The following OGG1 variants were observed in gnomAD, a reference collection of about 807,000 sequenced individuals.
OGG1 encodes the protein N-glycosylase/DNA lyase.
A neutral mutation model predicts 42.3 loss-of-function variants in OGG1; 35 were observed. The observed-to-expected ratio is 0.83, with a 90% CI of 0.63 to 1.10. The LOEUF (loss-of-function observed/expected upper bound fraction) is 1.10. Ranked by LOEUF, OGG1 falls within the 50% of genes least tolerant of loss-of-function variation. The pLI is 0.00. For synonymous variants in OGG1, 189 were observed against 179.0 expected, an observed-to-expected ratio of 1.06 and a Z score of -0.44; for missense variants, 484 against 446.7, an observed-to-expected ratio of 1.08 and a Z score of -0.75.
In OGG1 at chr3:9,763,175, T is replaced by C. The variant is rs138483154; in HGVS notation, c.1049-2634T>C. ...GAGGTAGAGGTGGCCCCCACTCTCA[T>C]AGATGTCATCCAGGGCTACAATGTT... On this transcript the variant is annotated intron_variant, in intron 7 of 7. Transcript: ENST00000302008. 3.7e-4 allele frequency: 601 copies of C among 1,613,998 alleles called. No individual in the cohort carries two copies. Among genetic ancestry groups the C allele is most frequent in the Middle Eastern group, 8.2e-4 (5 of 6,062 alleles).
intron 3 of OGG1, chr3:9,785,394 G>T (rs775425054): frequency 8.7e-6 from 14 of 1,613,882 alleles, no homozygotes; most frequent in Non-Finnish European, 1.2e-5. Context: ...GTCAGGAATA[G>T]GAGAATCCTC....
rs1320554098 is a variant in OGG1, at chr3:9,751,832, A to G, written c.448A>G (p.Asn150Asp). The change falls in exon 3 of 7, where the codon AAC becomes GAC. Residue 150 changes from asparagine to aspartate, a missense_variant. Coordinates refer to ENST00000344629, the MANE Select transcript of OGG1 (RefSeq NM_002542.6). ...TTTCTCTTTTATCTGTTCCTCCAAC[A>G]ACAACATCGCCCGCATCACTGGCAT... ...CLFSFICSSN[N>D]NIARITGMVE... 3 of 1,614,232 alleles carry G rather than the reference A, an allele frequency of 1.9e-6. No individual in the cohort carries two copies. The highest frequency in any genetic ancestry group is 2.2e-5 in the East Asian group (1 of 44,894).
chr3:9,762,143 C>G, downstream of OGG1: 1 of 176,210 alleles, frequency 5.7e-6, no homozygotes, highest in South Asian at 1.3e-4. Context: ...AAGTGACTCA[C>G]CCAAGAACCC....
downstream of OGG1, among the ~76,000 whole-genome samples, chr3:9,770,699 G>A (rs1312591971): frequency 1.3e-5 from 2 of 152,182 alleles, no homozygotes; most frequent in Non-Finnish European, 2.9e-5. Context: ...TCCAGGTTAG[G>A]GGAGAGAGCC....
At chr3:9,787,470 A>G in intron 3 of OGG1, 1 of 1,322,834 alleles carries the variant, frequency 7.6e-7, no homozygotes, top group Non-Finnish European at 1.0e-6. Context: ...TGTCAGGTGT[A>G]GGTAAGAAAG....
At chr3:9,777,909 G>A (rs969414794) in intron 2 of OGG1, among the ~76,000 whole-genome samples, 3 of 152,200 alleles carry the variant, frequency 2.0e-5, no homozygotes, top group Non-Finnish European at 4.4e-5. Flanking sequence ...CACAGGTTGG[G>A]CACTGCCCAA....
intron 3 of OGG1, among the ~76,000 whole-genome samples, chr3:9,782,769 C>G (rs912881884): frequency 7.9e-6 from 1 of 126,708 alleles, no homozygotes; most frequent in Admixed American, 9.5e-5. Context: ...CCAGCCTGGG[C>G]AACAGAGTGA....
chr3:9,761,823 C>G (rs973320104), downstream of OGG1: 2 of 1,586,282 alleles, frequency 1.3e-6, no homozygotes, highest in South Asian at 1.1e-5. Context: ...AACCTTCTGC[C>G]GCTCCAAGCA....
downstream of OGG1, chr3:9,757,775 CT>C (rs2125561483): frequency 3.1e-6 from 5 of 1,614,158 alleles, no homozygotes; most frequent in East Asian, 4.5e-5. This position sits in a 1 kb window ranked among gnomAD's most constrained non-coding sequence, Gnocchi z 4.5. Context: ...CCGTCTGCCC[CT>C]GCCCCTCCTG....
chr3:9,755,013 A>T lies in OGG1; in HGVS notation c.747+128A>T, dbSNP rs977049839. ...CAGAGCAGGAAGGAGAAAGGATATA[A>T]GTAGATGTTTTATGAGAGAAAAAAG... On this transcript the variant is annotated intron_variant, in intron 4 of 6. Transcript: ENST00000344629. The T allele has an allele frequency of 6.6e-6, 5 of 753,326 alleles. No individual in the cohort carries two copies. The African/African-American group carries it at 8.7e-5, about 13-fold the overall frequency. 46.7% of individuals were successfully genotyped at this position (753,326 alleles called of 1,614,324 possible).
intron 3 of OGG1, among the ~76,000 whole-genome samples, chr3:9,786,105 A>G (rs1271329787): frequency 2.6e-5 from 4 of 151,840 alleles, no homozygotes; most frequent in African/African-American, 4.8e-5. Flanking sequence ...TGCCCGGCTA[A>G]TTTTTTTGTA....
intron 3 of OGG1, among the ~76,000 whole-genome samples, chr3:9,784,829 G>A (rs1267668959): frequency 2.7e-5 from 4 of 148,454 alleles, no homozygotes; most frequent in Admixed American, 6.7e-5. Context: ...GCGCCATTGC[G>A]CTCCAACCTA....
At chr3:9,759,642 C>G (rs771326810), downstream of OGG1, 18 of 1,613,996 alleles carry the variant, frequency 1.1e-5, no homozygotes, top group Non-Finnish European at 1.4e-5. Flanking sequence ...CCAAATCCCG[C>G]CCCAGCTCAC....
chr3:9,787,662 C>T (rs935858427), intron 3 of OGG1: 25 of 1,377,792 alleles, frequency 1.8e-5, no homozygotes, highest in Admixed American at 8.7e-5. Context: ...CTTCAGGTCA[C>T]GGGTGACAGG....
downstream of OGG1, chr3:9,759,302 T>A: frequency 6.3e-7 from 1 of 1,599,760 alleles, no homozygotes; most frequent in Non-Finnish European, 8.6e-7. Context: ...GGACCCTCTC[T>A]GGAATAGAGA....
At chr3:9,754,133 C>G (rs559919724) in intron 3 of OGG1, among the ~76,000 whole-genome samples, 1 of 152,238 alleles carries the variant, frequency 6.6e-6, no homozygotes, top group South Asian at 2.1e-4. Flanking sequence ...GAGCAAGACC[C>G]TGTGTCAAAA....
At position 9,754,798 on chromosome 3, in the gene OGG1, C is replaced by G. The variant is rs778036721; in HGVS notation, c.660C>G (p.Gly220=). The change falls in exon 4 of 7, where the codon GGC becomes GGG. Residue 220 remains glycine, a synonymous_variant. Coordinates refer to ENST00000344629, the MANE Select transcript of OGG1 (RefSeq NM_002542.6). ...ASARAILEEQ[G]GLAWLQQLRE... ...CCCGAGCCATCCTGGAAGAACAGGGCGGGCTAGCCTGGCTGCAGCAGCTAC... is the reference window on the plus strand; with the variant it reads ...CCCGAGCCATCCTGGAAGAACAGGGGGGGCTAGCCTGGCTGCAGCAGCTAC... 12 of 1,613,596 alleles carry G rather than the reference C, an allele frequency of 7.4e-6. No homozygotes were observed. The highest frequency in any genetic ancestry group is 8.5e-7 in the Non-Finnish European group (1 of 1,179,800).
At chr3:9,777,713 T>C (rs993826147) in intron 2 of OGG1, among the ~76,000 whole-genome samples, 4 of 152,284 alleles carry the variant, frequency 2.6e-5, no homozygotes, top group Admixed American at 1.3e-4. Flanking sequence ...ATATCTGTCT[T>C]CCTTCTTTCA....
chr3:9,778,408 G>A (rs143626710), intron 2 of OGG1, among the ~76,000 whole-genome samples: 430 of 152,258 alleles, frequency 2.8e-3, no homozygotes, highest in Non-Finnish European at 4.6e-3. Context: ...ACTTGTAATA[G>A]GCCTTTTTTA....
Sources: allele counts gnomAD v4.1 joint callset (sites outside exome capture counted in the v4.1 genomes callset), GRCh38; gene constraint gnomAD v4.1.1; non-coding constraint Gnocchi (gnomAD v3.1); transcripts MANE v1.5; gene names NCBI Gene and HGNC (gene_info 2026-07-23, HGNC 2026-07-21).